The following ZNF211 variants were observed in gnomAD, a reference collection of about 807,000 sequenced individuals.
ZNF211 encodes zinc finger protein C2H2-25.
In ZNF211, 18 loss-of-function variants were observed where a neutral mutation model predicts 12.1. The observed-to-expected ratio is 1.48, with a 90% confidence interval of 1.03 to 2.20. ZNF211 has a LOEUF of 2.20. ZNF211 is among the 30% of genes most tolerant of loss of function. The probability of loss-of-function intolerance (pLI) is 0.00; values close to 1 mark genes in which losing one functional copy is unlikely to be tolerated. For missense variants in ZNF211, 677 were observed against 703.1 expected (o/e 0.96, Z 0.42); for synonymous variants, 249 against 246.0 (o/e 1.01, Z -0.11).
Position 57,640,993 on chromosome 19 carries a change from T to A in ZNF211, c.546T>A (p.Thr182=), listed in dbSNP as rs3746219. 0.16 allele frequency: 258,813 copies of A among 1,614,050 alleles called. 21,801 individuals carry two copies. The highest frequency in any genetic ancestry group is 0.3 in the East Asian group (13,364 of 44,874). The change falls in exon 4 of 4, where the codon ACT becomes ACA. Residue 182 remains threonine, a synonymous_variant. Transcript: ENST00000240731. ...TEAPFRSYVD[T]ASFTQSCIVH... The stretch of plus-strand genomic sequence containing the variant: ...CACCTTTCAGAAGTTATGTGGACAC[T>A]GCCTCGTTTACACAGAGTTGCATAG...
Position 57,642,019 on chromosome 19 carries a change from C to T in ZNF211, c.1572C>T (p.Cys524=). ...ACACTGGAGAAAGGCCTTATGAGTG[C>T]AGTGAATGTGGGAAATCCTTTAGCC... ...RVHTGERPYE[C]SECGKSFSQS... The change falls in exon 4 of 4, where the codon TGC becomes TGT. Residue 524 remains cysteine (C), a synonymous_variant. Coordinates refer to ENST00000240731, the MANE Select transcript of ZNF211 (RefSeq NM_006385.5). 1 of 1,614,152 alleles carries T rather than the reference C, an allele frequency of 6.2e-7. No homozygotes were observed. The highest frequency in any genetic ancestry group is 2.2e-5 in the East Asian group (1 of 44,882).
rs565052777 is a variant in ZNF211, at chr19:57,640,632, G to A, written c.257-72G>A. 66 of 1,551,760 alleles carry A rather than the reference G, an allele frequency of 4.3e-5. 1 individual carries two copies. In the East Asian group the frequency reaches 1.4e-3, roughly 34 times the overall value. On this transcript the variant is annotated intron_variant, in intron 3 of 3. Transcript: ENST00000240731. Reference sequence around the variant, plus strand: ...ATACTGGTTCTTTGCTGTAACTGATGTGCATTTGCAATTGCATTGTCTCCT... The same window carrying A: ...ATACTGGTTCTTTGCTGTAACTGATATGCATTTGCAATTGCATTGTCTCCT...
At chr19:57,636,931 T>C (rs1001725725) in intron 3 of ZNF211, among the ~76,000 whole-genome samples, 11 of 152,228 alleles carry the variant, frequency 7.2e-5, no homozygotes, top group African/African-American at 2.7e-4. Flanking sequence ...ACTTGTTTGG[T>C]TAAGTTAATC....
intron 3 of ZNF211, among the ~76,000 whole-genome samples, chr19:57,637,294 G>GT (rs58997649): frequency 0.18 from 26,750 of 145,904 alleles, 2,527 homozygotes; most frequent in East Asian, 0.32. Context: ...TTAGCTGTAG[G>GT]TTTTTTTTTT....
intron 3 of ZNF211, chr19:57,640,035 A>G (rs186043143): frequency 1.3e-6 from 2 of 1,535,990 alleles, no homozygotes; most frequent in East Asian, 2.4e-5. Flanking sequence ...CCTGGCCTAC[A>G]TGAATGGCAC....
In ZNF211 at chr19:57,641,172, A is replaced by G. The variant is rs1266111373; in HGVS notation, c.725A>G (p.His242Arg). The change falls in exon 4 of 4, where the codon CAC (histidine) becomes CGC (arginine). Residue 242 changes from histidine (H) to arginine (R), a missense_variant. His to Arg is a conservative substitution (Grantham distance 29). Transcript: ENST00000240731. ...GCCTTTTACAGTGGAAAAAGTCATC[A>G]CAACTGGGGAAAATGCAGTAAAGCC... Reference protein sequence around the residue: ...AVAFYSGKSHHNWGKCSKAFS... With the variant: ...AVAFYSGKSHRNWGKCSKAFS... 6.2e-7 allele frequency: 1 copy of G among 1,614,232 alleles called. No individual in the cohort carries two copies. The highest frequency in any genetic ancestry group is 1.1e-5 in the South Asian group (1 of 91,086).
In ZNF211 at chr19:57,642,584, G is replaced by C. The variant is rs3746212; in HGVS notation, c.*403G>C. 9,190 of 166,798 alleles carry C rather than the reference G, an allele frequency of 0.055. 343 individuals are homozygous for C. Among genetic ancestry groups the C allele is most frequent in the African/African-American group, 0.095 (3,962 of 41,870 alleles). 10.3% of individuals were successfully genotyped at this position (166,798 alleles called of 1,614,324 possible). A position where few individuals can be genotyped will look rare whatever the true frequency, so the allele number is the denominator to read the frequency against. On this transcript the variant is annotated 3_prime_UTR_variant, in exon 4 of 4. Transcript: ENST00000240731. The stretch of plus-strand genomic sequence containing the variant: ...TAGGGCATGGACTTGACCCAGCTTT[G>C]TGCCAGAGAACCCAATATGAGTGTT...
intron 2 of ZNF211, chr19:57,634,390 T>G: frequency 2.1e-6 from 1 of 480,662 alleles, no homozygotes; most frequent in East Asian, 3.5e-5. Context: ...TGTGAGGAAG[T>G]TGGAGTTTGG....
intron 3 of ZNF211, 47 bp downstream of exon 3, chr19:57,634,802 T>C (rs777412102): frequency 6.1e-6 from 9 of 1,469,664 alleles, no homozygotes; most frequent in Admixed American, 4.6e-5. Context: ...GGCTCTCTGT[T>C]TCTCCTTTTC....
chr19:57,638,208 A>C (rs1230240263), intron 3 of ZNF211, among the ~76,000 whole-genome samples: 2 of 151,880 alleles, frequency 1.3e-5, no homozygotes, highest in Non-Finnish European at 2.9e-5. Flanking sequence ...CAGGTTTGTC[A>C]ATTTTGATAA....
chr19:57,637,812 G>A (rs1451134846), intron 3 of ZNF211, among the ~76,000 whole-genome samples: 2 of 152,046 alleles, frequency 1.3e-5, no homozygotes, highest in African/African-American at 4.8e-5. Context: ...AATTTGAAAA[G>A]GATAAGTATT....
In ZNF211 at chr19:57,633,218, G is replaced by A; in HGVS notation, c.-129G>A. ...AGCGGTCATTTTGGCTGCCCTCCCGGAGGTCCGTTCTGTCTGTCAGCCGCT... is the reference window on the plus strand; with the variant it reads ...AGCGGTCATTTTGGCTGCCCTCCCGAAGGTCCGTTCTGTCTGTCAGCCGCT... On this transcript the variant is annotated 5_prime_UTR_variant, in exon 1 of 4. Transcript: ENST00000240731. The A allele has an allele frequency of 3.2e-6, 3 of 933,104 alleles. No individual in the cohort carries two copies. Among genetic ancestry groups the A allele is most frequent in the South Asian group, 2.0e-5 (1 of 50,566 alleles). 57.8% of individuals were successfully genotyped at this position (933,104 alleles called of 1,614,324 possible).
chr19:57,641,252 C>T lies in ZNF211; in HGVS notation c.805C>T (p.Leu269Phe), dbSNP rs563115548. 2.2e-5 allele frequency: 36 copies of T among 1,614,212 alleles called. 1 individual carries two copies. In the South Asian group the frequency reaches 3.1e-4, roughly 14 times the overall value. The change falls in exon 4 of 4, where the codon CTT becomes TTT. Residue 269 changes from leucine (L) to phenylalanine (F), a missense_variant. Physicochemically the swap from Leu to Phe is conservative, Grantham distance 22. Coordinates refer to ENST00000240731, the MANE Select transcript of ZNF211 (RefSeq NM_006385.5). ...QDQRILTREG[L>F]FECSKCGKAC... is the part of the protein sequence containing the mutation. ...CCAGAGAATCCTCACTAGAGAAGGACTTTTTGAGTGCAGTAAATGTGGGAA... is the reference window on the plus strand; with the variant it reads ...CCAGAGAATCCTCACTAGAGAAGGATTTTTTGAGTGCAGTAAATGTGGGAA...
intron 3 of ZNF211, among the ~76,000 whole-genome samples, chr19:57,635,874 C>T (rs1276567440): frequency 1.3e-5 from 2 of 152,196 alleles, no homozygotes; most frequent in East Asian, 3.8e-4. Context: ...GTTCCAGTTT[C>T]TTCACACCCT....
At chr19:57,636,474 A>G (rs542583928) in intron 3 of ZNF211, among the ~76,000 whole-genome samples, 1 of 152,174 alleles carries the variant, frequency 6.6e-6, no homozygotes, top group African/African-American at 2.4e-5. Flanking sequence ...TCCTAGCATC[A>G]TGTGTTAAAA....
At position 57,641,435 on chromosome 19, in the gene ZNF211, G is replaced by C. The variant is rs922560568; in HGVS notation, c.988G>C (p.Glu330Gln). ...TGGAGAAAGGCCTTATGCGTGCCCT[G>C]AATGTGGGAAATCGTTTAGTCAGAT... Reference protein sequence around the residue: ...HTGERPYACPECGKSFSQIYS... With the variant: ...HTGERPYACPQCGKSFSQIYS... Residue 330 changes from glutamate to glutamine, a missense_variant, in exon 4 of 4, where the codon GAA (glutamate) becomes CAA (glutamine). Coordinates refer to ENST00000240731, the MANE Select transcript of ZNF211 (RefSeq NM_006385.5). The C allele has an allele frequency of 2.5e-6, 4 of 1,610,784 alleles. No homozygotes were observed. The highest frequency in any genetic ancestry group is 3.4e-6 in the Non-Finnish European group (4 of 1,177,844).
chr19:57,640,903 A>G lies in ZNF211; in HGVS notation c.456A>G (p.Thr152=), dbSNP rs1162575595. Residue 152 remains threonine, a synonymous_variant, in exon 4 of 4, where the codon ACA becomes ACG. Coordinates refer to ENST00000240731, the MANE Select transcript of ZNF211 (RefSeq NM_006385.5). ...QGTNCGQKLH[T]CGKQFYISAN... ...CAAACTGCGGGCAGAAACTACACAC[A>G]TGTGGAAAACAATTCTACATCAGTG... The G allele has an allele frequency of 6.2e-7, 1 of 1,614,132 alleles. No individual in the cohort carries two copies. Among genetic ancestry groups the G allele is most frequent in the Non-Finnish European group, 8.5e-7 (1 of 1,180,042 alleles).
At chr19:57,640,469 AGTC>A (rs1982743901) in intron 3 of ZNF211, among the ~76,000 whole-genome samples, 1 of 152,194 alleles carries the variant, frequency 6.6e-6, no homozygotes, top group African/African-American at 2.4e-5. Flanking sequence ...CATGCCTCTT[AGTC>A]CTGGGCCATA....
At chr19:57,637,362 T>C (rs1982271837) in intron 3 of ZNF211, among the ~76,000 whole-genome samples, 1 of 152,084 alleles carries the variant, frequency 6.6e-6, no homozygotes. Context: ...TTTCTGAGTG[T>C]TTTCCCCACG....
Sources: gnomAD v4.1 joint callset for allele counts (sites outside exome capture counted in the v4.1 genomes callset) on GRCh38, gnomAD v4.1.1 for gene constraint, MANE v1.5 for transcripts, NCBI Gene and HGNC (gene_info 2026-07-23, HGNC 2026-07-21) for gene names.